Variants in SORCS3 observed in about 807,000 individuals in gnomAD.
SORCS3 encodes sortilin related VPS10 domain containing receptor 3, also known as VPS10 domain-containing receptor SorCS3.
Under a neutral mutation model 146.3 loss-of-function variants are expected in SORCS3, and 57 were observed. The ratio of observed to expected loss-of-function variants is 0.39; its 90% CI spans 0.31 to 0.49. The LOEUF is 0.49. SORCS3 is among the 20% of genes least tolerant of loss of function. SORCS3 has a pLI of 0.92. For missense variants in SORCS3, 1,341 were observed against 1,575.5 expected (o/e 0.85, Z 2.52); for synonymous variants, 653 against 618.5 (o/e 1.06, Z -0.83).
intron 1 of SORCS3, among the ~76,000 whole-genome samples, chr10:104,788,652 A>C (rs530764514): frequency 2.0e-5 from 3 of 152,302 alleles, no homozygotes; most frequent in African/African-American, 7.2e-5. Flanking sequence ...TGTTTGTATT[A>C]CTTTCTCAAA....
intron 1 of SORCS3, among the ~76,000 whole-genome samples, chr10:104,771,193 G>A (rs530830446): frequency 6.6e-6 from 1 of 152,278 alleles, no homozygotes; most frequent in South Asian, 2.1e-4. Flanking sequence ...AGACTCTCAG[G>A]CCCCACTCCT....
intron 1 of SORCS3, among the ~76,000 whole-genome samples, chr10:104,724,733 C>G (rs1470352251): frequency 6.6e-6 from 1 of 152,210 alleles, no homozygotes; most frequent in Non-Finnish European, 1.5e-5. Context: ...ATTTGATCTT[C>G]CATCACTGAT....
chr10:104,714,677 T>C (rs1200867712), intron 1 of SORCS3, among the ~76,000 whole-genome samples: 1 of 152,232 alleles, frequency 6.6e-6, no homozygotes, highest in Non-Finnish European at 1.5e-5. Context: ...CCAAATATGG[T>C]GTATCTTGGT....
intron 2 of SORCS3, among the ~76,000 whole-genome samples, chr10:104,904,124 G>C (rs1384556394): frequency 6.6e-6 from 1 of 152,050 alleles, no homozygotes; most frequent in Non-Finnish European, 1.5e-5. Context: ...AAGTATAAAG[G>C]AGTCCTGAGT....
chr10:104,805,669 A>G (rs1431991505), intron 1 of SORCS3, among the ~76,000 whole-genome samples: 2 of 152,106 alleles, frequency 1.3e-5, no homozygotes, highest in African/African-American at 4.8e-5. Flanking sequence ...GGATCTAGGG[A>G]CATCCAGAGT....
At chr10:104,771,969 G>T (rs1031233699) in intron 1 of SORCS3, among the ~76,000 whole-genome samples, 2 of 152,090 alleles carry the variant, frequency 1.3e-5, no homozygotes, top group Admixed American at 6.5e-5. Flanking sequence ...AAGGTTTTTT[G>T]GGGATGCTTA....
intron 1 of SORCS3, among the ~76,000 whole-genome samples, chr10:104,751,597 G>A (rs61867285): frequency 0.15 from 22,520 of 152,068 alleles, 2,095 homozygotes; most frequent in Middle Eastern, 0.28. Flanking sequence ...GATAGCTAAA[G>A]CTTGCTGTGC....
intron 4 of SORCS3, among the ~76,000 whole-genome samples, chr10:105,005,343 T>TA (rs1451377651): frequency 6.6e-6 from 1 of 152,172 alleles, no homozygotes; most frequent in Non-Finnish European, 1.5e-5. Flanking sequence ...AATTTTTGTG[T>TA]AAAATTATGT....
At chr10:105,105,092 G>A (rs55706825) in intron 6 of SORCS3, among the ~76,000 whole-genome samples, 17,053 of 152,084 alleles carry the variant, frequency 0.11, 1,056 homozygotes, top group East Asian at 0.17. Context: ...AATTAGAATT[G>A]CTGATGTAAG....
intron 1 of SORCS3, among the ~76,000 whole-genome samples, chr10:104,795,611 G>A (rs901839188): frequency 2.6e-5 from 4 of 152,200 alleles, no homozygotes; most frequent in African/African-American, 7.2e-5. Context: ...TAGAATGATC[G>A]GCATTCCTGC....
intron 7 of SORCS3, among the ~76,000 whole-genome samples, chr10:105,112,764 G>T (rs926984892): frequency 6.6e-6 from 1 of 152,162 alleles, no homozygotes; most frequent in African/African-American, 2.4e-5. Flanking sequence ...AAGGGGATCC[G>T]TGTAGAGGCA....
At chr10:104,860,198 A>C (rs2133560029) in intron 2 of SORCS3, among the ~76,000 whole-genome samples, 1 of 114,972 alleles carries the variant, frequency 8.7e-6, no homozygotes, top group East Asian at 2.7e-4. Context: ...GACTGGATTA[A>C]GAAAATGTGG....
chr10:104,651,544 A>AAC (rs1554841747), intron 1 of SORCS3, among the ~76,000 whole-genome samples: 3 of 149,270 alleles, frequency 2.0e-5, no homozygotes, highest in Non-Finnish European at 3.0e-5. Context: ...AAAAAAAAAA[A>AAC]AAAAAAAAAA....
chr10:105,013,104 A>T (rs973119427), intron 4 of SORCS3, among the ~76,000 whole-genome samples: 1 of 152,144 alleles, frequency 6.6e-6, no homozygotes, highest in Non-Finnish European at 1.5e-5. Context: ...TAAGGAGAAA[A>T]ACTACATCAG....
chr10:104,685,371 G>C (rs1038418445), intron 1 of SORCS3, among the ~76,000 whole-genome samples: 2 of 152,178 alleles, frequency 1.3e-5, no homozygotes, highest in Non-Finnish European at 2.9e-5. Context: ...GAATCCTACA[G>C]TGGGCAGGAG....
At chr10:104,784,108 A>G (rs2133494568) in intron 1 of SORCS3, among the ~76,000 whole-genome samples, 1 of 152,328 alleles carries the variant, frequency 6.6e-6, no homozygotes, top group Non-Finnish European at 1.5e-5. Context: ...ATTTGACCAC[A>G]GTTATCTTGT....
intron 1 of SORCS3, among the ~76,000 whole-genome samples, chr10:104,656,655 C>A (rs528930351): frequency 2.9e-4 from 44 of 151,044 alleles, no homozygotes; most frequent in Non-Finnish European, 5.9e-4. Flanking sequence ...CAGAGTGAGA[C>A]CTTGTTAAAA....
chr10:105,010,799 CA>C (rs1366948963), intron 4 of SORCS3, among the ~76,000 whole-genome samples: 4 of 151,186 alleles, frequency 2.6e-5, no homozygotes, highest in African/African-American at 9.7e-5. Context: ...AGGCTAGGGT[CA>C]AGGTGAGATT....
rs555920248 is a variant in SORCS3, at chr10:104,763,572, A to G, written c.628-79220A>G. Among the ~76,000 whole-genome samples the G allele has an allele frequency of 1.8e-4, 27 of 152,346 alleles. No homozygotes were observed. In the South Asian group the frequency reaches 2.9e-3, roughly 16 times the overall value. Reference sequence around the variant, plus strand: ...GCTGGGAATAATTTGTTATTAGTCCATCTTCCCTTATGATGGCCACTCTCC... The same window carrying G: ...GCTGGGAATAATTTGTTATTAGTCCGTCTTCCCTTATGATGGCCACTCTCC... On this transcript the variant is annotated intron_variant, in intron 1 of 26. Coordinates refer to ENST00000369701, the MANE Select transcript of SORCS3 (RefSeq NM_014978.3).
Sources: gnomAD v4.1 joint callset for allele counts (sites outside exome capture counted in the v4.1 genomes callset) on GRCh38, gnomAD v4.1.1 for gene constraint, MANE v1.5 for transcripts, NCBI Gene and HGNC (gene_info 2026-07-23, HGNC 2026-07-21) for gene names.